Variants in PPP2R2B observed in about 807,000 individuals in gnomAD.
PPP2R2B encodes protein phosphatase 2 regulatory subunit Bbeta, also known as serine/threonine-protein phosphatase 2A 55 kDa regulatory subunit B beta isoform.
Under a neutral mutation model 46.0 loss-of-function variants are expected in PPP2R2B, and 5 were observed. The ratio of observed to expected loss-of-function variants is 0.11; its 90% CI spans 0.06 to 0.23. PPP2R2B has a LOEUF of 0.23. PPP2R2B is among the 10% of genes least tolerant of loss of function. The probability of loss-of-function intolerance (pLI) is 1.00; values close to 1 mark genes in which losing one functional copy is unlikely to be tolerated. For missense variants in PPP2R2B, 367 were observed against 575.0 expected (o/e 0.64, Z 3.70); for synonymous variants, 215 against 206.7 (o/e 1.04, Z -0.34).
chr5:146,656,179 G>A (rs753896450), intron 5 of PPP2R2B, among the ~76,000 whole-genome samples: 3 of 152,104 alleles, frequency 2.0e-5, no homozygotes, highest in Admixed American at 6.5e-5. Flanking sequence ...TAAGGGGCTA[G>A]CAAGCGAGAG....
chr5:146,758,703 G>A (rs918975910), intron 2 of PPP2R2B, among the ~76,000 whole-genome samples: 1 of 152,040 alleles, frequency 6.6e-6, no homozygotes, highest in Non-Finnish European at 1.5e-5. Flanking sequence ...ATGAAAGAAA[G>A]GAAGAATGAA....
chr5:146,792,569 G>C (rs529494448), intron 2 of PPP2R2B, among the ~76,000 whole-genome samples: 85 of 152,316 alleles, frequency 5.6e-4, no homozygotes, highest in African/African-American at 1.3e-3. Context: ...TGGGAAAGCA[G>C]AATAGGTTAA....
intron 1 of PPP2R2B, among the ~76,000 whole-genome samples, chr5:147,019,376 C>T (rs1755154618): frequency 6.6e-6 from 1 of 152,086 alleles, no homozygotes; most frequent in South Asian, 2.1e-4. Context: ...TCAACCAAAA[C>T]AGAAGAAAGT....
intron 2 of PPP2R2B, among the ~76,000 whole-genome samples, chr5:146,790,015 A>T (rs1361782921): frequency 6.6e-6 from 1 of 152,190 alleles, no homozygotes. Context: ...ATGTAATCAC[A>T]ACACAAGGGC....
At chr5:146,646,194 C>T (rs1775568793) in intron 6 of PPP2R2B, among the ~76,000 whole-genome samples, 2 of 152,134 alleles carry the variant, frequency 1.3e-5, no homozygotes, top group Admixed American at 1.3e-4. Flanking sequence ...ACTAGGTGCT[C>T]AATTTATCAT....
intron 7 of PPP2R2B, among the ~76,000 whole-genome samples, chr5:146,627,602 G>A (rs1303309090): frequency 1.3e-5 from 2 of 152,164 alleles, no homozygotes; most frequent in Non-Finnish European, 2.9e-5. Context: ...AAAACATCAT[G>A]CTCTTTATCC....
intron 1 of PPP2R2B, among the ~76,000 whole-genome samples, chr5:146,959,400 T>C (rs1308846791): frequency 1.3e-5 from 2 of 152,042 alleles, no homozygotes; most frequent in Non-Finnish European, 2.9e-5. Flanking sequence ...GAAACAGTGA[T>C]TGTAGTATAG....
chr5:146,828,395 A>C (rs1758712679), intron 2 of PPP2R2B, among the ~76,000 whole-genome samples: 1 of 152,192 alleles, frequency 6.6e-6, no homozygotes, highest in African/African-American at 2.4e-5. Flanking sequence ...AACTAGAATC[A>C]GGGCTGGTGC....
intron 6 of PPP2R2B, among the ~76,000 whole-genome samples, chr5:146,641,502 GATTTTTTTTT>G (rs775291470): frequency 1.2e-5 from 1 of 84,254 alleles, no homozygotes; most frequent in Non-Finnish European, 2.4e-5. Flanking sequence ...TGTGCTCTAA[GATTTTTTTTT>G]TTTTTTTTTT....
At chr5:146,740,418 A>G (rs1467845065) in intron 2 of PPP2R2B, among the ~76,000 whole-genome samples, 1 of 152,156 alleles carries the variant, frequency 6.6e-6, no homozygotes, top group African/African-American at 2.4e-5. Context: ...CTTTGAAACC[A>G]CCATGGGAAG....
At chr5:147,017,096 A>C (rs1262599413) in intron 1 of PPP2R2B, among the ~76,000 whole-genome samples, 1 of 151,572 alleles carries the variant, frequency 6.6e-6, no homozygotes, top group Non-Finnish European at 1.5e-5. Flanking sequence ...ACAAACAAAA[A>C]TGCACATCAG....
At chr5:146,687,780 C>T (rs1393403263) in intron 5 of PPP2R2B, among the ~76,000 whole-genome samples, 1 of 152,144 alleles carries the variant, frequency 6.6e-6, no homozygotes, top group Non-Finnish European at 1.5e-5. Context: ...CTTTGAAAAG[C>T]TGAGTCTCTC....
At position 146,645,465 on chromosome 5, in the gene PPP2R2B, A is replaced by G. The variant is rs188746018; in HGVS notation, c.625+5082T>C. 3.9e-3 allele frequency among the ~76,000 whole-genome samples: 591 copies of G among 152,316 alleles called. 5 individuals are homozygous for G. Among genetic ancestry groups the G allele is most frequent in the African/African-American group, 0.014 (572 of 41,574 alleles). On this transcript the variant is annotated intron_variant, in intron 6 of 9. Transcript: ENST00000394411. Reference sequence around the variant, plus strand: ...ACACATGGTGTCATATTAAATATGTATTGGGCAGGGTGAAAGCCACTGAAG... The same window carrying G: ...ACACATGGTGTCATATTAAATATGTGTTGGGCAGGGTGAAAGCCACTGAAG...
intron 7 of PPP2R2B, among the ~76,000 whole-genome samples, chr5:146,628,487 C>A (rs1001715551): frequency 6.6e-6 from 1 of 152,156 alleles, no homozygotes; most frequent in African/African-American, 2.4e-5. Context: ...GCAGCCCCAT[C>A]GCTACTGCTG....
chr5:146,800,458 A>G (rs780052768), intron 2 of PPP2R2B, among the ~76,000 whole-genome samples: 4 of 152,024 alleles, frequency 2.6e-5, no homozygotes, highest in Non-Finnish European at 5.9e-5. Flanking sequence ...TCTCTACCAA[A>G]TTAATTTTCT....
At chr5:147,077,310 A>ACACC (rs1292967452) in intron 2 of PPP2R2B, among the ~76,000 whole-genome samples, 38 of 131,044 alleles carry the variant, frequency 2.9e-4, no homozygotes, top group African/African-American at 1.2e-3. Context: ...ACACACACAC[A>ACACC]CCCACACCCA....
At chr5:146,593,632 T>A (rs868862857) in intron 8 of PPP2R2B, among the ~76,000 whole-genome samples, 5 of 152,140 alleles carry the variant, frequency 3.3e-5, no homozygotes, top group Non-Finnish European at 5.9e-5. Context: ...GAGGTAGCAC[T>A]GGAGCAGAAG....
At chr5:146,980,755 G>A (rs1221546365) in intron 1 of PPP2R2B, among the ~76,000 whole-genome samples, 1 of 152,014 alleles carries the variant, frequency 6.6e-6, no homozygotes, top group African/African-American at 2.4e-5. Flanking sequence ...GTCAATTTTT[G>A]GAATGTTTTA....
At chr5:146,749,158 G>T (rs1382562145) in intron 2 of PPP2R2B, among the ~76,000 whole-genome samples, 1 of 152,144 alleles carries the variant, frequency 6.6e-6, no homozygotes. Flanking sequence ...ATGGCTGATA[G>T]TGTTAAACAT....
Sources: allele counts gnomAD v4.1 joint callset (sites outside exome capture counted in the v4.1 genomes callset), GRCh38; gene constraint gnomAD v4.1.1; transcripts MANE v1.5; gene names NCBI Gene and HGNC (gene_info 2026-07-23, HGNC 2026-07-21).